The following SCGB2B2 variants were observed in gnomAD, a reference collection of about 807,000 sequenced individuals.
SCGB2B2 encodes the protein secretoglobin family 2B member 2.
A neutral mutation model predicts 7.6 loss-of-function variants in SCGB2B2; 11 were observed. That is an observed-to-expected ratio of 1.45 (90% CI 0.91 to 2.40). SCGB2B2 has a LOEUF of 2.40. SCGB2B2 is among the 30% of genes most tolerant of loss of function. The probability of loss-of-function intolerance (pLI) is 0.00; values close to 1 mark genes in which losing one functional copy is unlikely to be tolerated. For missense variants in SCGB2B2, 104 were observed against 115.4 expected (o/e 0.90, Z 0.45); for synonymous variants, 50 against 48.6 (o/e 1.03, Z -0.12).
chr19:34,624,885 T>G (rs1600053743), intron 1 of SCGB2B2, among the ~76,000 whole-genome samples: 1 of 152,156 alleles, frequency 6.6e-6, no homozygotes, highest in Non-Finnish European at 1.5e-5. Context: ...CTAGAAGCTT[T>G]TAATAGGCTG....
intron 1 of SCGB2B2, chr19:34,640,469 GC>G (rs1236835510): frequency 1.3e-5 from 2 of 151,986 alleles, no homozygotes; most frequent in African/African-American, 4.8e-5. Flanking sequence ...CAAACTGAGT[GC>G]TGTATCTACA....
intron 1 of SCGB2B2, among the ~76,000 whole-genome samples, chr19:34,651,252 T>C (rs62121990): frequency 0.25 from 37,149 of 150,724 alleles, 5,856 homozygotes; most frequent in Non-Finnish European, 0.33. Flanking sequence ...CTAGCCAGAG[T>C]GATTAGGCAA....
intron 1 of SCGB2B2, among the ~76,000 whole-genome samples, chr19:34,600,268 G>C (rs796332901): frequency 2.6e-5 from 4 of 152,162 alleles, no homozygotes; most frequent in African/African-American, 9.6e-5. Context: ...CCCCATTGTT[G>C]TTGATATTCA....
At chr19:34,621,478 T>G (rs1211472952) in intron 1 of SCGB2B2, among the ~76,000 whole-genome samples, 1 of 150,016 alleles carries the variant, frequency 6.7e-6, no homozygotes, top group Admixed American at 6.6e-5. Flanking sequence ...TCCCAGGCCA[T>G]CAGAAGCTAT....
In SCGB2B2 at chr19:34,590,872, G is replaced by A. The variant is rs568182403; in HGVS notation, c.*2683C>T. ...TTTCCTTATTCTTTCAAACACATGT[G>A]AAATGCTTTTGCATCTCAAAGTATT... is the stretch of plus-strand genomic sequence containing the variant. On this transcript the variant is annotated 3_prime_UTR_variant, in exon 4 of 4. Coordinates refer to ENST00000601241, the MANE Select transcript of SCGB2B2 (RefSeq NM_001025591.4). Among the ~76,000 whole-genome samples, 2 of 152,270 alleles carry A rather than the reference G, an allele frequency of 1.3e-5. No homozygotes were observed. The highest frequency in any genetic ancestry group is 4.8e-5 in the African/African-American group (2 of 41,540).
At position 34,592,929 on chromosome 19, in the gene SCGB2B2, G is replaced by A. The variant is rs2065336596; in HGVS notation, c.*626C>T. Among the ~76,000 whole-genome samples, 2 of 152,124 alleles carry A rather than the reference G, an allele frequency of 1.3e-5. No homozygotes were observed. The highest frequency in any genetic ancestry group is 4.8e-5 in the African/African-American group (2 of 41,424). On this transcript the variant is annotated 3_prime_UTR_variant, in exon 4 of 4. Transcript: ENST00000601241. ...AGTCCTGGGGAGCCCTGGAGGTTCTGCATTGAGGGGTTGTGGGGTAGAGGT... is the reference window on the plus strand; with the variant it reads ...AGTCCTGGGGAGCCCTGGAGGTTCTACATTGAGGGGTTGTGGGGTAGAGGT...
chr19:34,621,715 G>A (rs2066247635), intron 1 of SCGB2B2, among the ~76,000 whole-genome samples: 1 of 152,158 alleles, frequency 6.6e-6, no homozygotes, highest in African/African-American at 2.4e-5. Flanking sequence ...TATAAACAAT[G>A]ATTCTTATCA....
intron 1 of SCGB2B2, chr19:34,634,838 G>A: frequency 3.9e-6 from 1 of 255,188 alleles, no homozygotes. Context: ...CACATTCGCT[G>A]CACACATAGG....
At chr19:34,596,990 G>A (rs72488804) in intron 1 of SCGB2B2, among the ~76,000 whole-genome samples, 26,168 of 151,452 alleles carry the variant, frequency 0.17, 2,415 homozygotes, top group East Asian at 0.24. Flanking sequence ...AGGGCCAGGA[G>A]GCTTCCTGAG....
At chr19:34,616,228 G>C (rs1037696309) in intron 1 of SCGB2B2, among the ~76,000 whole-genome samples, 4 of 150,882 alleles carry the variant, frequency 2.7e-5, no homozygotes, top group Non-Finnish European at 5.9e-5. Flanking sequence ...TGGGTCAAAT[G>C]GTATTTCTAG....
Position 34,594,341 on chromosome 19 carries a change from ATATCCAGG to A in SCGB2B2, c.72_79del (p.Leu25ArgfsTer2), listed in dbSNP as rs2065382901. The A allele has an allele frequency of 5.0e-6, 8 of 1,613,930 alleles. No homozygotes were observed. The highest frequency in any genetic ancestry group is 1.3e-5 in the African/African-American group (1 of 74,906). ...CACAACATTCGCAAGCAGTTTATCG[ATATCCAGG>A]CAGGCATCCCCTGTGGAGGATGAGG... is the stretch of plus-strand genomic sequence containing the variant. On this transcript the variant is annotated frameshift_variant, in exon 3 of 4. Transcript: ENST00000601241. LOFTEE classifies it high-confidence loss of function.
chr19:34,620,652 A>ACTT (rs1265571822), intron 1 of SCGB2B2, among the ~76,000 whole-genome samples: 2 of 152,182 alleles, frequency 1.3e-5, no homozygotes, highest in Non-Finnish European at 2.9e-5. Flanking sequence ...GTACCCTAGA[A>ACTT]CTTAAAGTAT....
intron 1 of SCGB2B2, among the ~76,000 whole-genome samples, chr19:34,598,014 G>A (rs73926884): frequency 0.14 from 21,166 of 151,946 alleles, 2,393 homozygotes; most frequent in African/African-American, 0.31. Flanking sequence ...TGCTCCCACT[G>A]CTTTCTGGCT....
chr19:34,660,879 G>A (rs913095223), intron 1 of SCGB2B2, among the ~76,000 whole-genome samples: 13 of 152,136 alleles, frequency 8.5e-5, no homozygotes, highest in African/African-American at 3.1e-4. Context: ...CAACCCAAAT[G>A]TCCATCAATG....
intron 1 of SCGB2B2, among the ~76,000 whole-genome samples, chr19:34,672,514 A>C (rs2067828117): frequency 6.6e-6 from 1 of 152,214 alleles, no homozygotes; most frequent in Non-Finnish European, 1.5e-5. Context: ...TCGTGTAATA[A>C]GATAGTGGCC....
At chr19:34,641,899 A>G (rs2066852315) in intron 1 of SCGB2B2, among the ~76,000 whole-genome samples, 1 of 152,234 alleles carries the variant, frequency 6.6e-6, no homozygotes, top group South Asian at 2.1e-4. Context: ...GAAGGCTCCC[A>G]TATGTACACA....
intron 1 of SCGB2B2, among the ~76,000 whole-genome samples, chr19:34,601,943 T>A (rs1032962435): frequency 6.6e-6 from 1 of 152,064 alleles, no homozygotes; most frequent in African/African-American, 2.4e-5. Flanking sequence ...TAATAATTTT[T>A]AAATTTTGGC....
intron 1 of SCGB2B2, among the ~76,000 whole-genome samples, chr19:34,661,310 AAAAG>A (rs766735523): frequency 6.6e-6 from 1 of 152,222 alleles, no homozygotes; most frequent in Non-Finnish European, 1.5e-5. Flanking sequence ...GACATTAAAA[AAAAG>A]AAATACATAT....
At chr19:34,607,198 C>T (rs889556733) in intron 1 of SCGB2B2, among the ~76,000 whole-genome samples, 25 of 152,112 alleles carry the variant, frequency 1.6e-4, no homozygotes, top group African/African-American at 5.1e-4. Flanking sequence ...CAGGTTCATC[C>T]GTATTGTTGA....
Sources: gnomAD v4.1 joint callset for allele counts (sites outside exome capture counted in the v4.1 genomes callset) on GRCh38, gnomAD v4.1.1 for gene constraint, MANE v1.5 for transcripts, NCBI Gene and HGNC (gene_info 2026-07-23, HGNC 2026-07-21) for gene names.